The following TRPC5 variants were observed in gnomAD, a reference collection of about 807,000 sequenced individuals.
The protein encoded by TRPC5 is short transient receptor potential channel 5.
Under a neutral mutation model 56.5 loss-of-function variants are expected in TRPC5, and 9 were observed. The ratio of observed to expected loss-of-function variants is 0.16; its 90% CI spans 0.10 to 0.28. The LOEUF is 0.28. Among genes scored for constraint, TRPC5 ranks in the 10% least tolerant of loss-of-function variants. The pLI, the probability that TRPC5 is intolerant of heterozygous loss-of-function variation, is 1.00. For missense variants in TRPC5, 469 were observed against 748.9 expected, an observed-to-expected ratio of 0.63 and a Z score of 4.36; for synonymous variants, 282 against 278.5, an observed-to-expected ratio of 1.01 and a Z score of -0.13.
At chrX:111,868,586 A>G (rs1000020680) in intron 3 of TRPC5, among the ~76,000 whole-genome samples, 2 of 112,366 alleles carry the variant, frequency 1.8e-5, no homozygotes, top group Non-Finnish European at 3.8e-5. Context: ...ATTGGCAATG[A>G]GTTATGTTCC....
At chrX:112,030,740 A>T (rs993115174) in intron 1 of TRPC5, among the ~76,000 whole-genome samples, 2 of 111,936 alleles carry the variant, frequency 1.8e-5, no homozygotes, top group East Asian at 5.6e-4. Context: ...ATCCTTTCTA[A>T]TTGAAATTTT....
At chrX:112,005,436 A>G (rs1258276377) in intron 1 of TRPC5, among the ~76,000 whole-genome samples, 1 of 103,884 alleles carries the variant, frequency 9.6e-6, no homozygotes, top group East Asian at 3.0e-4. Flanking sequence ...AAACTTGCAC[A>G]TGTACCCCTG....
intron 1 of TRPC5, among the ~76,000 whole-genome samples, chrX:111,997,920 T>A (rs1184011728): frequency 9.0e-6 from 1 of 111,272 alleles, no homozygotes; most frequent in African/African-American, 3.3e-5. Context: ...TTTAGCTTCC[T>A]TGCAATGGGT....
Position 112,048,399 on chromosome X carries a change from C to CAAAAAAAA in TRPC5, c.-22+33472_-22+33479dup, listed in dbSNP as rs58537492. ...CTGGCGACAGAGCAAGACTCCGTATCAAAAAAAAAAAAAAAAAAAAAAAAA... is the reference window on the plus strand; with the variant it reads ...CTGGCGACAGAGCAAGACTCCGTATCAAAAAAAAAAAAAAAAAAAAAAAAAAAAAAAAA... On this transcript the variant is annotated intron_variant, in intron 1 of 10. Transcript: ENST00000262839. 7.9e-3 allele frequency among the ~76,000 whole-genome samples: 170 copies of CAAAAAAAA among 21,477 alleles called. 16 individuals are homozygous for CAAAAAAAA. Among genetic ancestry groups the CAAAAAAAA allele is most frequent in the African/African-American group, 0.022 (140 of 6,397 alleles). 18.7% of individuals were successfully genotyped at this position (21,477 alleles called of 115,157 possible).
intron 1 of TRPC5, among the ~76,000 whole-genome samples, chrX:111,954,827 G>A (rs1398311000): frequency 1.8e-5 from 2 of 111,745 alleles, no homozygotes; most frequent in Non-Finnish European, 3.8e-5. Flanking sequence ...AGGTGAGAAT[G>A]AAGGAAACTA....
intron 1 of TRPC5, among the ~76,000 whole-genome samples, chrX:112,080,907 C>G (rs755141160): frequency 8.9e-6 from 1 of 112,154 alleles, no homozygotes; most frequent in Non-Finnish European, 1.9e-5. Context: ...ATGTTGTAAT[C>G]ATTTCACATT....
chrX:112,010,291 C>A (rs1603143965), intron 1 of TRPC5, among the ~76,000 whole-genome samples: 1 of 112,299 alleles, frequency 8.9e-6, no homozygotes, highest in Admixed American at 9.4e-5. Flanking sequence ...CTAGCTCTCC[C>A]ACTTAGCAGC....
intron 1 of TRPC5, among the ~76,000 whole-genome samples, chrX:111,992,241 A>C (rs1354453690): frequency 1.8e-5 from 2 of 112,450 alleles, no homozygotes. Context: ...GAAACTTTTG[A>C]AGGTGATGGA....
At chrX:111,802,349 G>A (rs1196954430) in intron 7 of TRPC5, among the ~76,000 whole-genome samples, 1 of 110,770 alleles carries the variant, frequency 9.0e-6, no homozygotes, top group African/African-American at 3.3e-5. Flanking sequence ...GTTCTTTGGG[G>A]TCTCTTATAT....
At chrX:111,964,272 G>C (rs1356964455) in intron 1 of TRPC5, among the ~76,000 whole-genome samples, 2 of 111,705 alleles carry the variant, frequency 1.8e-5, no homozygotes, top group Non-Finnish European at 3.8e-5. Context: ...GAAGGTTAGA[G>C]AAAAAAGAAT....
intron 3 of TRPC5, among the ~76,000 whole-genome samples, chrX:111,898,621 A>G (rs1603086377): frequency 1.8e-5 from 2 of 110,656 alleles, no homozygotes; most frequent in Non-Finnish European, 3.8e-5. Flanking sequence ...CAGAAAACAA[A>G]TCAGACAGAT....
At chrX:112,031,537 T>C (rs1425915044) in intron 1 of TRPC5, among the ~76,000 whole-genome samples, 1 of 111,166 alleles carries the variant, frequency 9.0e-6, no homozygotes, top group East Asian at 2.8e-4. Context: ...TTAATAGGAG[T>C]TAACTAAAAA....
intron 1 of TRPC5, among the ~76,000 whole-genome samples, chrX:112,009,661 A>T (rs1928939932): frequency 8.9e-6 from 1 of 111,806 alleles, no homozygotes. Context: ...TTTAGAGCAG[A>T]AGTCTTTAGT....
chrX:111,838,951 C>A (rs895164953), intron 6 of TRPC5, among the ~76,000 whole-genome samples: 1 of 111,809 alleles, frequency 8.9e-6, no homozygotes, highest in Non-Finnish European at 1.9e-5. Flanking sequence ...AGGGTGAACT[C>A]GAAGTTAAAG....
Position 111,778,309 on chromosome X carries a change from A to AT in TRPC5, c.2232+675_2232+676insA, listed in dbSNP as rs768056560. ...TTAAAGTATAATAAAAAAATTAAAAAATATATATATAGATGTGTTCTAGGA... is the reference window on the plus strand; with the variant it reads ...TTAAAGTATAATAAAAAAATTAAAAATATATATATATAGATGTGTTCTAGGA... On this transcript the variant is annotated intron_variant, in intron 10 of 10. Coordinates refer to ENST00000262839, the MANE Select transcript of TRPC5 (RefSeq NM_012471.3). Among the ~76,000 whole-genome samples the AT allele has an allele frequency of 1.7e-3, 183 of 110,851 alleles. 3 individuals carry two copies. The highest frequency in any genetic ancestry group is 5.6e-3 in the African/African-American group (169 of 30,269).
intron 1 of TRPC5, among the ~76,000 whole-genome samples, chrX:111,995,558 C>T (rs1928501841): frequency 9.0e-6 from 1 of 111,099 alleles, no homozygotes; most frequent in Non-Finnish European, 1.9e-5. Context: ...CCTCTTTGTA[C>T]CTCTGGTAGA....
At chrX:111,958,600 G>C (rs186485122) in intron 1 of TRPC5, among the ~76,000 whole-genome samples, 4 of 112,170 alleles carry the variant, frequency 3.6e-5, no homozygotes, top group African/African-American at 1.3e-4. Flanking sequence ...TCATGGGCTC[G>C]GGCAAGAAGC....
chrX:111,852,307 G>T lies in TRPC5; in HGVS notation c.1368C>A (p.Ala456=). ...AGACATTCCAATTTACCTTGACATA[G>T]GCCACAATCTTCAGGGAAATAGTTG... ...YLATISLKIV[A]YVKYNGSRPR... Residue 456 remains alanine (A), a synonymous_variant, in exon 5 of 11, where the codon GCC becomes GCA. Coordinates refer to ENST00000262839, the MANE Select transcript of TRPC5 (RefSeq NM_012471.3). 2 of 1,207,713 alleles carry T rather than the reference G, an allele frequency of 1.7e-6. No homozygotes were observed. The highest frequency in any genetic ancestry group is 2.2e-6 in the Non-Finnish European group (2 of 893,758).
At chrX:111,821,923 C>T (rs1289611685) in intron 7 of TRPC5, among the ~76,000 whole-genome samples, 4 of 111,170 alleles carry the variant, frequency 3.6e-5, no homozygotes, top group African/African-American at 1.3e-4. Flanking sequence ...TCCGGGGTAC[C>T]CTTTGGTTGG....
Sources: allele counts gnomAD v4.1 joint callset (sites outside exome capture counted in the v4.1 genomes callset), GRCh38; gene constraint gnomAD v4.1.1; transcripts MANE v1.5; gene names NCBI Gene and HGNC (gene_info 2026-07-23, HGNC 2026-07-21).